FLT4: variants seen among roughly 807,000 people sequenced by gnomAD.
FLT4 encodes vascular endothelial growth factor receptor 3.
A neutral mutation model predicts 163.2 loss-of-function variants in FLT4; 30 were observed. The observed-to-expected ratio is 0.18, with a 90% confidence interval of 0.14 to 0.25. The LOEUF (loss-of-function observed/expected upper bound fraction) is 0.25. Ranked by LOEUF, FLT4 falls within the 10% of genes least tolerant of loss-of-function variation. The pLI, the probability that FLT4 is intolerant of heterozygous loss-of-function variation, is 1.00. For synonymous variants in FLT4, 884 were observed against 789.5 expected (o/e 1.12, Z -2.01); for missense variants, 1,510 against 1,863.8 (o/e 0.81, Z 3.50).
rs1345693974 is a variant in FLT4, at chr5:180,602,404, T to C, written c.*788A>G. On this transcript the variant is annotated 3_prime_UTR_variant, in exon 30 of 30. Transcript: ENST00000261937. ...TGCTGGCCTTGACCTGGGGCGGGGG[T>C]CAGAGTCATCTAGACTCAGTACAGC... 5.4e-6 allele frequency: 2 copies of C among 373,366 alleles called. No homozygotes were observed. The highest frequency in any genetic ancestry group is 1.5e-4 in the South Asian group (1 of 6,774). The allele number at this position is 373,366 out of a possible 1,614,324, so 23.1% of individuals were successfully genotyped here. A position where few individuals can be genotyped will look rare whatever the true frequency, so the allele number is the denominator to read the frequency against.
chr5:180,619,735 C>T lies in FLT4; in HGVS notation c.2577G>A (p.Val859=), dbSNP rs1349433335. 7 of 1,612,508 alleles carry T rather than the reference C, an allele frequency of 4.3e-6. No individual in the cohort carries two copies. In the East Asian group the frequency reaches 1.3e-4, roughly 31 times the overall value. The part of the protein sequence containing the change: ...RVLGYGAFGK[V]VEASAFGIHK... Reference sequence around the variant, plus strand: ...GGATGCCGAAAGCGGAGGCTTCCACCACCTTCCCGAAGGCGCCGTAGCCGA... The same window carrying T: ...GGATGCCGAAAGCGGAGGCTTCCACTACCTTCCCGAAGGCGCCGTAGCCGA... The change falls in exon 18 of 30, where the codon GTG becomes GTA. Residue 859 remains valine (V), a synonymous_variant. Transcript: ENST00000261937.
chr5:180,623,308 C>T lies in FLT4; in HGVS notation c.1549-469G>A, dbSNP rs1763317051. ...GCCCAGAACTGTCCTCAGCAGCAAT[C>T]CCGAGGCCCAGGGTTATTGAGAGGG... On this transcript the variant is annotated intron_variant, in intron 11 of 29. Transcript: ENST00000261937. The surrounding 1 kb of genome is among the most constrained non-coding windows in gnomAD (Gnocchi z 5.8). Among the ~76,000 whole-genome samples the T allele has an allele frequency of 6.6e-6, 1 of 152,128 alleles. No homozygotes were observed. Among genetic ancestry groups the T allele is most frequent in the African/African-American group, 2.4e-5 (1 of 41,430 alleles).
chr5:180,616,826 A>T, intron 22 of FLT4, 74 bp downstream of exon 22: 2 of 1,137,508 alleles, frequency 1.8e-6, no homozygotes, highest in Non-Finnish European at 2.7e-6. Flanking sequence ...GGGTGAGGCC[A>T]GTACCAAGCA....
At chr5:180,621,278 TA>T in intron 13 of FLT4, 26 bp from the exon 14 acceptor site, 2 of 1,607,358 alleles carry the variant, frequency 1.2e-6, no homozygotes, top group Non-Finnish European at 1.7e-6. Context: ...GAGAGGGAGC[TA>T]AGTGGAGCTG....
chr5:180,630,091 C>A lies in FLT4; in HGVS notation c.528G>T (p.Leu176=), dbSNP rs1294112102. The change falls in exon 5 of 30, where the codon CTG becomes CTT. Residue 176 remains leucine, a synonymous_variant. Transcript: ENST00000261937. The surrounding 1 kb of genome is among the most constrained non-coding windows in gnomAD (Gnocchi z 6.3). Reference sequence around the variant, plus strand: ...ACACCACCTCCTGCCCGTCTGGCCACAGCACCGAGCTTTGCTGGAGGGACA... The same window carrying A: ...ACACCACCTCCTGCCCGTCTGGCCAAAGCACCGAGCTTTGCTGGAGGGACA... ...NVTLRSQSSV[L]WPDGQEVVWD... 2 of 1,612,784 alleles carry A rather than the reference C, an allele frequency of 1.2e-6. No individual in the cohort carries two copies.
rs147219087 is a variant in FLT4, at chr5:180,637,579, C to G, written c.59-5801G>C. On this transcript the variant is annotated intron_variant, in intron 1 of 29. Coordinates refer to ENST00000261937, the MANE Select transcript of FLT4 (RefSeq NM_182925.5). ...GATGGAGTTTAGCTCGTCGCCCAGGCTGCAGTGCAGTGGCGTGATCTCGGC... is the reference window on the plus strand; with the variant it reads ...GATGGAGTTTAGCTCGTCGCCCAGGGTGCAGTGCAGTGGCGTGATCTCGGC... 2.1e-3 allele frequency among the ~76,000 whole-genome samples: 326 copies of G among 152,274 alleles called. 1 individual carries two copies. Among genetic ancestry groups the G allele is most frequent in the African/African-American group, 7.1e-3 (296 of 41,566 alleles).
intron 1 of FLT4, among the ~76,000 whole-genome samples, chr5:180,648,977 C>T (rs1003625338): frequency 6.6e-6 from 1 of 152,198 alleles, no homozygotes; most frequent in Non-Finnish European, 1.5e-5. Context: ...CGTCGCCGGC[C>T]ACGGGGAGGG....
chr5:180,648,856 C>G (rs1765609740), intron 1 of FLT4, among the ~76,000 whole-genome samples: 1 of 152,228 alleles, frequency 6.6e-6, no homozygotes, highest in Non-Finnish European at 1.5e-5. Flanking sequence ...TCCGCCCCTT[C>G]TGCGGCGCTG....
intron 27 of FLT4, 32 bp from the exon 28 acceptor site, chr5:180,610,057 C>T (rs112990569): frequency 1.7e-5 from 28 of 1,613,384 alleles, no homozygotes; most frequent in Middle Eastern, 1.6e-4. Flanking sequence ...TGCTGAGGAA[C>T]GCGCTGCAGC....
chr5:180,603,479 A>G, intron 29 of FLT4, 89 bp from the exon 30 acceptor site: 1 of 1,217,906 alleles, frequency 8.2e-7, no homozygotes, highest in Non-Finnish European at 1.2e-6. Context: ...TGGGAGGCCT[A>G]GGCAGGCGGA....
At chr5:180,607,439 C>T (rs1284476849) in intron 29 of FLT4, among the ~76,000 whole-genome samples, 3 of 151,918 alleles carry the variant, frequency 2.0e-5, no homozygotes, top group Non-Finnish European at 4.4e-5. Context: ...AGATCGAGAC[C>T]ATCCTGGCTA....
chr5:180,602,674 C>G lies in FLT4; in HGVS notation c.*518G>C. ...AAATGCCTTCTTTGAGATGGAAACA[C>G]AGCCCCTCCCTTCAACTGTGCAGGG... On this transcript the variant is annotated 3_prime_UTR_variant, in exon 30 of 30. Transcript: ENST00000261937. The G allele has an allele frequency of 2.4e-6, 1 of 413,656 alleles. No individual in the cohort carries two copies. Among genetic ancestry groups the G allele is most frequent in the East Asian group, 3.4e-5 (1 of 29,054 alleles). 25.6% of individuals were successfully genotyped at this position (413,656 alleles called of 1,614,324 possible). A position where few individuals can be genotyped will look rare whatever the true frequency, so the allele number is the denominator to read the frequency against.
intron 1 of FLT4, among the ~76,000 whole-genome samples, chr5:180,648,763 G>T (rs990110996): frequency 6.6e-5 from 10 of 152,172 alleles, no homozygotes; most frequent in Non-Finnish European, 1.3e-4. Flanking sequence ...CCTCTCCTGT[G>T]CAGGGGACCC....
rs781175230 is a variant in FLT4 at position 180,610,054 on chromosome 5, G to C, written c.3687-29C>G. The C allele has an allele frequency of 1.7e-5, 28 of 1,613,580 alleles. No homozygotes were observed. In the East Asian group the frequency reaches 4.5e-4, roughly 26 times the overall value. On this transcript the variant is annotated intron_variant, in intron 27 of 29. Transcript: ENST00000261937. ...TGGGGAGAAATCAGAAGGTGCTGAG[G>C]AACGCGCTGCAGCAACCCTCCTCGA...
chr5:180,612,468 CAA>C, intron 26 of FLT4, 36 bp downstream of exon 26: 1 of 1,504,836 alleles, frequency 6.6e-7, no homozygotes, highest in Non-Finnish European at 9.3e-7. Flanking sequence ...GGGCAGGGGC[CAA>C]AGGCCATAGT....
rs559561010 is a variant in FLT4, at chr5:180,615,080, C to T, written c.3220-901G>A. On this transcript the variant is annotated intron_variant, in intron 23 of 29. Coordinates refer to ENST00000261937, the MANE Select transcript of FLT4 (RefSeq NM_182925.5). ...GCAGGCCCTGGGAGTCAGGACCCAC[C>T]GCACGGAGCAAGGCGCGGGGCAAAG... Among the ~76,000 whole-genome samples, 26 of 152,328 alleles carry T rather than the reference C, an allele frequency of 1.7e-4. No homozygotes were observed. The East Asian group carries it at 2.3e-3, about 14-fold the overall frequency.
intron 23 of FLT4, 129 bp from the exon 24 acceptor site, chr5:180,614,308 C>T (rs527477555): frequency 4.7e-6 from 3 of 631,908 alleles, no homozygotes; most frequent in East Asian, 2.7e-5. Context: ...AAGCGTGTCC[C>T]GTGGTGGATG....
Position 180,623,883 on chromosome 5 carries a change from T to G in FLT4, c.1548+52A>C. The stretch of plus-strand genomic sequence containing the variant: ...AACCACATGGCAGTAATGGCCTCTC[T>G]CTCCTCCCTTCTCCTTCTCCCTGGG... On this transcript the variant is annotated intron_variant, in intron 11 of 29. Transcript: ENST00000261937. The surrounding 1 kb of genome is among the most constrained non-coding windows in gnomAD (Gnocchi z 5.8). 2 of 1,609,868 alleles carry G rather than the reference T, an allele frequency of 1.2e-6. No homozygotes were observed. Among genetic ancestry groups the G allele is most frequent in the South Asian group, 2.2e-5 (2 of 91,002 alleles).
At chr5:180,638,257 C>A (rs1451973211) in intron 1 of FLT4, among the ~76,000 whole-genome samples, 2 of 152,218 alleles carry the variant, frequency 1.3e-5, no homozygotes, top group Non-Finnish European at 2.9e-5. Context: ...AGACAACCCG[C>A]AGTCTACGTT....
Sources: gnomAD v4.1 joint callset for allele counts (sites outside exome capture counted in the v4.1 genomes callset) on GRCh38, gnomAD v4.1.1 for gene constraint, Gnocchi (gnomAD v3.1) non-coding constraint, MANE v1.5 for transcripts, NCBI Gene and HGNC (gene_info 2026-07-23, HGNC 2026-07-21) for gene names.